The following POLR2L variants were observed in gnomAD, a reference collection of about 807,000 sequenced individuals.
The protein encoded by POLR2L is RNA polymerase II, I and III subunit L, also known as DNA-directed RNA polymerases I, II, and III subunit RPABC5.
POLR2L carries 7 observed loss-of-function variants against 6.8 expected under a neutral mutation model. The ratio of observed to expected loss-of-function variants is 1.03; its 90% CI spans 0.59 to 1.94. The LOEUF is 1.94. Ranked by LOEUF, POLR2L falls within the 30% of genes most tolerant of loss-of-function variation. The pLI is 0.00. For missense variants in POLR2L, 93 were observed against 86.7 expected, an observed-to-expected ratio of 1.07 and a Z score of -0.29; for synonymous variants, 59 against 39.8, an observed-to-expected ratio of 1.48 and a Z score of -1.82.
At position 840,468 on chromosome 11, in the gene POLR2L, A is replaced by G; in HGVS notation, c.108T>C (p.Asp36=). 1 of 1,609,400 alleles carries G rather than the reference A, an allele frequency of 6.2e-7. No homozygotes were observed. The highest frequency in any genetic ancestry group is 2.2e-5 in the East Asian group (1 of 44,846). The change falls in exon 2 of 2, where the codon GAT becomes GAC. Residue 36 remains aspartate (D), a synonymous_variant. Transcript: ENST00000322028. The part of the protein sequence containing the change: ...QAEYTEGDAL[D]ALGLKRYCCR... ...AGCAGTAGCGCTTCAGGCCCAGGGC[A>G]TCCAGCGCATCCCTGTGTCGAGGGG... is the stretch of plus-strand genomic sequence containing the variant.
chr11:841,925 T>C (rs887359403), intron 1 of POLR2L, among the ~76,000 whole-genome samples: 1 of 152,116 alleles, frequency 6.6e-6, no homozygotes, highest in Non-Finnish European at 1.5e-5. Context: ...ATAAAATAAA[T>C]TTCTGGAGAT....
At chr11:840,626 T>TGA in intron 1 of POLR2L, 146 bp from the exon 2 acceptor site, 1 of 624,498 alleles carries the variant, frequency 1.6e-6, no homozygotes, top group South Asian at 1.8e-5. Flanking sequence ...GCTCAGAAGC[T>TGA]GAGATCTAGC....
chr11:840,066 C>T lies in POLR2L; in HGVS notation c.*306G>A. On this transcript the variant is annotated 3_prime_UTR_variant, in exon 2 of 2. Coordinates refer to ENST00000322028, the MANE Select transcript of POLR2L (RefSeq NM_021128.5). The stretch of plus-strand genomic sequence containing the variant: ...ATGGAAGGCTCTCCTGGCAGCGCCT[C>T]CTGCAGGGGTGCCTGTGGAACAGGC... The T allele has an allele frequency of 3.6e-6, 1 of 281,632 alleles. No individual in the cohort carries two copies. Among genetic ancestry groups the T allele is most frequent in the Non-Finnish European group, 6.7e-6 (1 of 149,974 alleles). 17.4% of individuals were successfully genotyped at this position (281,632 alleles called of 1,614,324 possible). A position where few individuals can be genotyped will look rare whatever the true frequency, so the allele number is the denominator to read the frequency against.
At chr11:842,315 C>T in intron 1 of POLR2L, 99 bp downstream of exon 1, 2 of 780,436 alleles carry the variant, frequency 2.6e-6, no homozygotes, top group Non-Finnish European at 3.7e-6. Context: ...GGCAGCGCTG[C>T]GCCTCCCGCC....
intron 1 of POLR2L, 133 bp downstream of exon 1, chr11:842,281 G>A: frequency 3.9e-6 from 2 of 517,120 alleles, no homozygotes; most frequent in East Asian, 3.7e-5. Flanking sequence ...CGGGCCTGAA[G>A]CTGCTCATGG....
chr11:842,255 G>A (rs1846991957), intron 1 of POLR2L, among the ~76,000 whole-genome samples, 159 bp downstream of exon 1: 1 of 152,246 alleles, frequency 6.6e-6, no homozygotes, highest in Admixed American at 6.5e-5. Context: ...AGATCACAGA[G>A]CGGGGCTGGA....
chr11:840,940 C>T (rs1047548486), intron 1 of POLR2L, among the ~76,000 whole-genome samples: 2 of 152,140 alleles, frequency 1.3e-5, no homozygotes, highest in African/African-American at 4.8e-5. Flanking sequence ...TCTTTCCTCA[C>T]CTCTGCTTCC....
chr11:841,957 A>G (rs1846981435), intron 1 of POLR2L, among the ~76,000 whole-genome samples: 1 of 152,222 alleles, frequency 6.6e-6, no homozygotes, highest in African/African-American at 2.4e-5. Flanking sequence ...CAGGTTGTCC[A>G]GGCTGGTCTC....
chr11:841,217 C>G lies in POLR2L; in HGVS notation c.96-737G>C, dbSNP rs568416909. 2.0e-5 allele frequency among the ~76,000 whole-genome samples: 3 copies of G among 152,348 alleles called. No individual in the cohort carries two copies. In the East Asian group the frequency reaches 5.8e-4, roughly 29 times the overall value. The stretch of plus-strand genomic sequence containing the variant: ...AGCCCACTCGCTTTCCTCGTTTGTC[C>G]AGCAAGCTGCACCAAGTGCCGATGG... On this transcript the variant is annotated intron_variant, in intron 1 of 1. Transcript: ENST00000322028.
Position 842,521 on chromosome 11 carries a change from T to A in POLR2L, c.-13A>T. ...CAGGGATGATCATGGCGGCGGCGCG[T>A]CCCAGACTGCCCGGCCCGGCCCGGC... is the stretch of plus-strand genomic sequence containing the variant. On this transcript the variant is annotated 5_prime_UTR_variant, in exon 1 of 2. Transcript: ENST00000322028. The A allele has an allele frequency of 6.4e-7, 1 of 1,560,290 alleles. No homozygotes were observed. Among genetic ancestry groups the A allele is most frequent in the Non-Finnish European group, 8.6e-7 (1 of 1,156,172 alleles).
chr11:840,183 T>A lies in POLR2L; in HGVS notation c.*189A>T, dbSNP rs1000676155. On this transcript the variant is annotated 3_prime_UTR_variant, in exon 2 of 2. Coordinates refer to ENST00000322028, the MANE Select transcript of POLR2L (RefSeq NM_021128.5). ...GGCCTAGACCTGGCTCCTGACATCC[T>A]AGTGAGGGCTGGGACCTTAGTGGTT... is the stretch of plus-strand genomic sequence containing the variant. 2 of 542,072 alleles carry A rather than the reference T, an allele frequency of 3.7e-6. No homozygotes were observed. The highest frequency in any genetic ancestry group is 3.3e-6 in the Non-Finnish European group (1 of 306,386). The allele number at this position is 542,072 out of a possible 1,614,324, so 33.6% of individuals were successfully genotyped here.
chr11:841,109 G>A (rs1485137862), intron 1 of POLR2L, among the ~76,000 whole-genome samples: 2 of 152,252 alleles, frequency 1.3e-5, no homozygotes, highest in African/African-American at 4.8e-5. Context: ...CAGAAGCTTG[G>A]GAAAGGGGAG....
Position 842,472 on chromosome 11 carries a change from T to C in POLR2L, c.37A>G (p.Ile13Val), listed in dbSNP as rs2133969657. Reference protein sequence around the residue: ...IPVRCFTCGKIVGNKWEAYLG... With the variant: ...IPVRCFTCGKVVGNKWEAYLG... ...TAAGCCTCCCACTTGTTGCCGACGA[T>C]CTTGCCACAAGTGAAGCAGCGTACA... is the stretch of plus-strand genomic sequence containing the variant. The change falls in exon 1 of 2, where the codon ATC (isoleucine) becomes GTC (valine). Residue 13 changes from isoleucine (I) to valine (V), a missense_variant. By Grantham distance (29) the Ile-to-Val change is conservative. Coordinates refer to ENST00000322028, the MANE Select transcript of POLR2L (RefSeq NM_021128.5). 1 of 1,596,554 alleles carries C rather than the reference T, an allele frequency of 6.3e-7. No individual in the cohort carries two copies. Among genetic ancestry groups the C allele is most frequent in the Non-Finnish European group, 8.5e-7 (1 of 1,173,218 alleles).
intron 1 of POLR2L, among the ~76,000 whole-genome samples, chr11:840,714 T>C (rs1432328145): frequency 6.6e-6 from 1 of 152,092 alleles, no homozygotes; most frequent in Non-Finnish European, 1.5e-5. Context: ...TCCCACCTAC[T>C]CTGGCTGTAC....
At position 840,289 on chromosome 11, in the gene POLR2L, C is replaced by T; in HGVS notation, c.*83G>A. 1 of 837,146 alleles carries T rather than the reference C, an allele frequency of 1.2e-6. No homozygotes were observed. Among genetic ancestry groups the T allele is most frequent in the South Asian group, 1.5e-5 (1 of 65,318 alleles). 51.9% of individuals were successfully genotyped at this position (837,146 alleles called of 1,614,324 possible). ...ACTGCGGCCAGGCATTACGCCAGCT[C>T]CCGGATGCCTCAGCCTCGTGAATTC... On this transcript the variant is annotated 3_prime_UTR_variant, in exon 2 of 2. Transcript: ENST00000322028.
chr11:842,335 AC>A, intron 1 of POLR2L, 78 bp downstream of exon 1: 2 of 984,496 alleles, frequency 2.0e-6, no homozygotes, highest in South Asian at 4.7e-5. Context: ...CCCGGCGCGC[AC>A]CCCAGGGCGG....
intron 1 of POLR2L, among the ~76,000 whole-genome samples, chr11:841,250 G>T (rs1045596927): frequency 1.3e-5 from 2 of 152,210 alleles, no homozygotes. Flanking sequence ...TGGCAGGCTG[G>T]CGCACACAAG....
chr11:841,906 AAAAAT>A (rs1227341328), intron 1 of POLR2L, among the ~76,000 whole-genome samples: 26 of 152,308 alleles, frequency 1.7e-4, no homozygotes, highest in Admixed American at 4.6e-4. Flanking sequence ...CTCAAAAAAG[AAAAAT>A]AAAATAAAAT....
chr11:840,255 TACAC>T lies in POLR2L; in HGVS notation c.*113_*116del, dbSNP rs973357770. The T allele has an allele frequency of 7.3e-6, 5 of 686,824 alleles. No homozygotes were observed. In the Admixed American group the frequency reaches 1.1e-4, roughly 15 times the overall value. The allele number at this position is 686,824 out of a possible 1,614,324, so 42.5% of individuals were successfully genotyped here. ...GTTCCTTCCAGAGTGGGGTATCGGA[TACAC>T]ACACACTGCGGCCAGGCATTACGCC... On this transcript the variant is annotated 3_prime_UTR_variant, in exon 2 of 2. Transcript: ENST00000322028.
Sources: allele counts gnomAD v4.1 joint callset (sites outside exome capture counted in the v4.1 genomes callset), GRCh38; gene constraint gnomAD v4.1.1; transcripts MANE v1.5; gene names NCBI Gene and HGNC (gene_info 2026-07-23, HGNC 2026-07-21).